MAML3: variants seen among roughly 807,000 people sequenced by gnomAD.
MAML3 encodes mastermind-like protein 3.
In MAML3, 27 loss-of-function variants were observed where a neutral mutation model predicts 101.9. That is an observed-to-expected ratio of 0.27 (90% CI 0.20 to 0.37). The LOEUF (loss-of-function observed/expected upper bound fraction) is 0.37. Ranked by LOEUF, MAML3 falls within the 10% of genes least tolerant of loss-of-function variation. MAML3 has a pLI of 1.00. For synonymous variants in MAML3, 501 were observed against 555.9 expected, an observed-to-expected ratio of 0.90 and a Z score of 1.39; for missense variants, 1,316 against 1,444.9, an observed-to-expected ratio of 0.91 and a Z score of 1.45.
rs190701084 is a variant in MAML3, at chr4:139,758,495, T to C, written c.2080-27828A>G. ...GATGTATGCCCAGCTGTTCATTTGA[T>C]ACCAGACACACACTTTAATCTGGGT... On this transcript the variant is annotated intron_variant, in intron 2 of 4. Transcript: ENST00000509479. Among the ~76,000 whole-genome samples the C allele has an allele frequency of 1.7e-3, 264 of 152,342 alleles. 1 individual carries two copies. Among genetic ancestry groups the C allele is most frequent in the African/African-American group, 6.0e-3 (250 of 41,586 alleles).
intron 2 of MAML3, among the ~76,000 whole-genome samples, chr4:139,846,065 A>T (rs933372863): frequency 4.6e-5 from 7 of 152,194 alleles, no homozygotes; most frequent in Admixed American, 6.5e-5. Context: ...AGTGACAAAA[A>T]ATCCAGGAGC....
chr4:139,955,468 T>G (rs1218772579), intron 1 of MAML3, among the ~76,000 whole-genome samples: 1 of 152,194 alleles, frequency 6.6e-6, no homozygotes. Flanking sequence ...AAGGATAAGG[T>G]GAACATGATC....
chr4:140,088,325 C>G (rs1448246153), intron 1 of MAML3, among the ~76,000 whole-genome samples: 2 of 152,114 alleles, frequency 1.3e-5, no homozygotes, highest in African/African-American at 4.8e-5. Context: ...TCCCTCCTCT[C>G]TCCCCTATCC....
chr4:139,869,997 A>G (rs991585983), intron 2 of MAML3, among the ~76,000 whole-genome samples: 6 of 152,254 alleles, frequency 3.9e-5, no homozygotes, highest in African/African-American at 1.4e-4. Context: ...AGTGTTGACC[A>G]TATGACCTTA....
intron 1 of MAML3, among the ~76,000 whole-genome samples, chr4:140,000,326 T>A (rs2110842759): frequency 6.7e-6 from 1 of 149,626 alleles, no homozygotes; most frequent in Admixed American, 6.7e-5. Context: ...TATTCCCCTA[T>A]CCCTGAAGAA....
intron 1 of MAML3, among the ~76,000 whole-genome samples, chr4:139,904,030 T>C (rs536975796): frequency 1.6e-4 from 24 of 152,336 alleles, no homozygotes; most frequent in African/African-American, 5.8e-4. Context: ...ATGGGGGTGA[T>C]GTCATCATGA....
At chr4:139,903,080 T>A (rs1732757978) in intron 1 of MAML3, among the ~76,000 whole-genome samples, 1 of 152,256 alleles carries the variant, frequency 6.6e-6, no homozygotes, top group Non-Finnish European at 1.5e-5. Flanking sequence ...TTGAATTTCC[T>A]GGGTTAACCA....
chr4:139,877,972 T>G (rs1217496316), intron 2 of MAML3, among the ~76,000 whole-genome samples: 1 of 152,216 alleles, frequency 6.6e-6, no homozygotes, highest in East Asian at 1.9e-4. Context: ...TTCTGTTACT[T>G]CTTCCCTCTA....
chr4:140,061,091 G>A (rs964106673), intron 1 of MAML3, among the ~76,000 whole-genome samples: 2 of 152,196 alleles, frequency 1.3e-5, no homozygotes. Flanking sequence ...ACTTCTACGT[G>A]GTCCCCACAA....
intron 1 of MAML3, among the ~76,000 whole-genome samples, chr4:139,942,305 A>G (rs1007819261): frequency 1.3e-5 from 2 of 152,088 alleles, no homozygotes; most frequent in African/African-American, 4.8e-5. Context: ...CAGCTAAGAG[A>G]TTTAGGAGTC....
At position 139,938,873 on chromosome 4, in the gene MAML3, AC is replaced by A. The variant is rs758546393; in HGVS notation, c.469-47907del. 9.2e-5 allele frequency among the ~76,000 whole-genome samples: 14 copies of A among 152,300 alleles called. No individual in the cohort carries two copies. In the East Asian group the frequency reaches 2.5e-3, roughly 27 times the overall value. On this transcript the variant is annotated intron_variant, in intron 1 of 4. Transcript: ENST00000509479. ...CACAATCACCTTTGAATATACACAA[AC>A]CCAATTAATGCAACGTGTGGTAATC...
chr4:139,807,306 T>C (rs936761676), intron 2 of MAML3, among the ~76,000 whole-genome samples: 1 of 152,236 alleles, frequency 6.6e-6, no homozygotes, highest in African/African-American at 2.4e-5. Context: ...TGTGTGTGTA[T>C]GTCTGAGTTT....
At chr4:139,784,204 C>T (rs923206226) in intron 2 of MAML3, among the ~76,000 whole-genome samples, 10 of 152,230 alleles carry the variant, frequency 6.6e-5, no homozygotes, top group South Asian at 4.1e-4. Flanking sequence ...CGCCTGATGC[C>T]GCCCAGCTGC....
In MAML3 at chr4:139,763,094, T is replaced by G. The variant is rs527462514; in HGVS notation, c.2080-32427A>C. ...CCTAAAGATTCAGGAGGAATAGAAC[T>G]TTCTCCAGGAACCCAGGGACTTATC... On this transcript the variant is annotated intron_variant, in intron 2 of 4. Transcript: ENST00000509479. Among the ~76,000 whole-genome samples the G allele has an allele frequency of 3.0e-4, 45 of 152,286 alleles. 1 individual carries two copies. In the South Asian group the frequency reaches 8.1e-3, roughly 27 times the overall value.
At chr4:139,812,056 G>C (rs2111113193) in intron 2 of MAML3, among the ~76,000 whole-genome samples, 1 of 152,212 alleles carries the variant, frequency 6.6e-6, no homozygotes, top group Middle Eastern at 3.4e-3. Flanking sequence ...AGGAGTTAGA[G>C]ACCAGCCTGG....
At chr4:139,995,036 T>C (rs1334817639) in intron 1 of MAML3, among the ~76,000 whole-genome samples, 2 of 152,172 alleles carry the variant, frequency 1.3e-5, no homozygotes, top group Admixed American at 6.5e-5. Flanking sequence ...CTTATAGATG[T>C]CCTTTATCGG....
chr4:140,146,561 T>C (rs1729068808), intron 1 of MAML3, among the ~76,000 whole-genome samples: 1 of 152,178 alleles, frequency 6.6e-6, no homozygotes, highest in African/African-American at 2.4e-5. Context: ...AGCTGATTTT[T>C]CAGAAGCTAC....
intron 1 of MAML3, among the ~76,000 whole-genome samples, chr4:140,119,210 C>CT (rs1728563947): frequency 6.6e-6 from 1 of 152,164 alleles, no homozygotes; most frequent in African/African-American, 2.4e-5. Context: ...ATTCAGTTTC[C>CT]ACTACATAAC....
chr4:139,907,149 C>T (rs1465006671), intron 1 of MAML3, among the ~76,000 whole-genome samples: 3 of 152,182 alleles, frequency 2.0e-5, no homozygotes, highest in African/African-American at 7.2e-5. Flanking sequence ...CAGAAAATGT[C>T]AGGAACTTGA....
Sources: allele counts gnomAD v4.1 joint callset (sites outside exome capture counted in the v4.1 genomes callset), GRCh38; gene constraint gnomAD v4.1.1; transcripts MANE v1.5; gene names NCBI Gene and HGNC (gene_info 2026-07-23, HGNC 2026-07-21).